PTPN9: variants seen among roughly 807,000 people sequenced by gnomAD.
PTPN9 encodes protein tyrosine phosphatase non-receptor type 9.
PTPN9 carries 26 observed loss-of-function variants against 69.8 expected under a neutral mutation model. The observed-to-expected ratio is 0.37, with a 90% confidence interval of 0.27 to 0.52. The LOEUF (loss-of-function observed/expected upper bound fraction) is 0.52. Ranked by LOEUF, PTPN9 falls within the 20% of genes least tolerant of loss-of-function variation. PTPN9 has a pLI of 0.91. For synonymous variants in PTPN9, 274 were observed against 272.5 expected, an observed-to-expected ratio of 1.01 and a Z score of -0.05; for missense variants, 549 against 740.3, an observed-to-expected ratio of 0.74 and a Z score of 3.00.
intron 7 of PTPN9, among the ~76,000 whole-genome samples, chr15:75,498,425 G>C (rs2074755344): frequency 1.3e-5 from 2 of 151,464 alleles, no homozygotes. Context: ...TTTACTATAG[G>C]GCAATGAGGC....
chr15:75,475,865 G>A (rs1307009874), intron 9 of PTPN9, among the ~76,000 whole-genome samples: 3 of 152,086 alleles, frequency 2.0e-5, no homozygotes, highest in Non-Finnish European at 2.9e-5. Context: ...CAGGTGGGGT[G>A]CAGTGGCGCA....
intron 1 of PTPN9, among the ~76,000 whole-genome samples, chr15:75,577,254 G>A (rs1318853594): frequency 1.3e-5 from 2 of 152,158 alleles, no homozygotes; most frequent in Non-Finnish European, 2.9e-5. Context: ...GAATACTGAT[G>A]GCTTTAAGTC....
At position 75,517,328 on chromosome 15, in the gene PTPN9, A is replaced by G; in HGVS notation, c.459T>C (p.Tyr153=). Residue 153 remains tyrosine (Y), a synonymous_variant, in exon 5 of 13, where the codon TAT becomes TAC. Coordinates refer to ENST00000618819, the MANE Select transcript of PTPN9 (RefSeq NM_002833.4). ...ETQRNGLVFI[Y]DMCGSNYANF... is the part of the protein sequence containing the mutation. ...TGGCATAATTAGAACCACACATGTC[A>G]TAGATAAACACCAGTCCATTCCTCT... 1.2e-6 allele frequency: 2 copies of G among 1,614,012 alleles called. No individual in the cohort carries two copies. Among genetic ancestry groups the G allele is most frequent in the Non-Finnish European group, 1.7e-6 (2 of 1,179,926 alleles).
Position 75,505,912 on chromosome 15 carries a change from G to C in PTPN9, c.731C>G (p.Ala244Gly), listed in dbSNP as rs769188751. ...GGGTAGGAACTGGAAATTCCAAGTGGCGAGATCAATTTTGACGTACCCACC... is the reference window on the plus strand; with the variant it reads ...GGGTAGGAACTGGAAATTCCAAGTGCCGAGATCAATTTTGACGTACCCACC... ...NLGGYVKIDL[A>G]TWNFQFLPQV... Residue 244 changes from alanine (A) to glycine (G), a missense_variant, in exon 7 of 13, where the codon GCC becomes GGC. Physicochemically the swap from Ala to Gly is moderately conservative, Grantham distance 60. This residue lies in a region of PTPN9 where 457 missense variants were observed against 661.9 expected (regional missense o/e 0.69). Transcript: ENST00000618819. 6.2e-7 allele frequency: 1 copy of C among 1,614,022 alleles called. No individual in the cohort carries two copies. Among genetic ancestry groups the C allele is most frequent in the Non-Finnish European group, 8.5e-7 (1 of 1,179,974 alleles).
chr15:75,490,193 C>T lies in PTPN9; in HGVS notation c.1062+15G>A, dbSNP rs368665553. On this transcript the variant is annotated intron_variant, in intron 8 of 12. Coordinates refer to ENST00000618819, the MANE Select transcript of PTPN9 (RefSeq NM_002833.4). ...TCCCCCAGTGCACCTAAAAAGATTA[C>T]ATTTATCTGTCTACCTGAGTATGGC... The T allele has an allele frequency of 8.9e-6, 14 of 1,577,776 alleles. No homozygotes were observed. In the African/African-American group the frequency reaches 1.8e-4, roughly 20 times the overall value.
chr15:75,548,697 A>G (rs1218911463), intron 1 of PTPN9, among the ~76,000 whole-genome samples: 2 of 137,930 alleles, frequency 1.5e-5, no homozygotes, highest in Admixed American at 7.7e-5. Flanking sequence ...TCTGTCACCC[A>G]GGCTGGAGTG....
chr15:75,547,841 T>A (rs1303754077), intron 1 of PTPN9, among the ~76,000 whole-genome samples: 1 of 151,874 alleles, frequency 6.6e-6, no homozygotes, highest in Non-Finnish European at 1.5e-5. Context: ...AATTTTTGTA[T>A]TTTTAGCAGA....
chr15:75,468,705 G>A lies in PTPN9; in HGVS notation c.*64C>T. 2 of 1,455,034 alleles carry A rather than the reference G, an allele frequency of 1.4e-6. No homozygotes were observed. Among genetic ancestry groups the A allele is most frequent in the Non-Finnish European group, 1.9e-6 (2 of 1,051,996 alleles). The allele number at this position is 1,455,034 out of a possible 1,614,324, so 90.1% of individuals were successfully genotyped here. On this transcript the variant is annotated 3_prime_UTR_variant, in exon 13 of 13. Transcript: ENST00000618819. ...TCAGCGTAACTGATGGCAACCTATA[G>A]GCTCAGCGGTGTCCAGGGTAGTTTA...
intron 1 of PTPN9, among the ~76,000 whole-genome samples, chr15:75,530,549 A>AATATG (rs2074952653): frequency 1.8e-5 from 1 of 54,604 alleles, no homozygotes; most frequent in Non-Finnish European, 2.8e-5. Flanking sequence ...ATTATATTAT[A>AATATG]ATATATTATA....
chr15:75,492,377 G>T (rs1200741154), intron 7 of PTPN9, among the ~76,000 whole-genome samples: 1 of 152,166 alleles, frequency 6.6e-6, no homozygotes, highest in Non-Finnish European at 1.5e-5. Context: ...GCCAGACACA[G>T]AAGCTAGGAC....
intron 8 of PTPN9, among the ~76,000 whole-genome samples, chr15:75,480,152 A>G (rs1319784044): frequency 2.0e-5 from 3 of 152,138 alleles, no homozygotes; most frequent in Non-Finnish European, 4.4e-5. Flanking sequence ...CTGACTCAAA[A>G]TGTATCACAG....
chr15:75,575,918 C>CAAA (rs759810846), intron 1 of PTPN9, among the ~76,000 whole-genome samples: 74 of 39,076 alleles, frequency 1.9e-3, no homozygotes, highest in Non-Finnish European at 2.2e-3. Flanking sequence ...GACTCCATCT[C>CAAA]AAAAAAAAAA....
At chr15:75,470,202 G>C (rs1257826291) in intron 11 of PTPN9, among the ~76,000 whole-genome samples, 1 of 152,114 alleles carries the variant, frequency 6.6e-6, no homozygotes, top group Admixed American at 6.5e-5. Flanking sequence ...TTCCTATACT[G>C]TAAGATCCAG....
chr15:75,474,557 A>G (rs1442697145), intron 9 of PTPN9, among the ~76,000 whole-genome samples: 2 of 152,238 alleles, frequency 1.3e-5, no homozygotes, highest in African/African-American at 4.8e-5. Flanking sequence ...CAACTTTCTT[A>G]TCTCTGTTAA....
intron 3 of PTPN9, among the ~76,000 whole-genome samples, chr15:75,523,937 T>C (rs1455392121): frequency 1.3e-5 from 2 of 151,936 alleles, no homozygotes; most frequent in South Asian, 4.2e-4. Context: ...CAGGATAAGG[T>C]ATATAGGAAC....
At chr15:75,546,415 G>A (rs896485137) in intron 1 of PTPN9, among the ~76,000 whole-genome samples, 10 of 152,076 alleles carry the variant, frequency 6.6e-5, no homozygotes, top group Admixed American at 3.9e-4. Flanking sequence ...AGGCCGAGGC[G>A]GGCAGATCAC....
chr15:75,488,942 G>A (rs921987522), intron 8 of PTPN9, among the ~76,000 whole-genome samples: 3 of 152,234 alleles, frequency 2.0e-5, no homozygotes, highest in South Asian at 2.1e-4. Flanking sequence ...TTGGGAGGCC[G>A]AGACGGGCGG....
At chr15:75,576,684 T>C (rs1407894657) in intron 1 of PTPN9, among the ~76,000 whole-genome samples, 2 of 151,926 alleles carry the variant, frequency 1.3e-5, no homozygotes, top group Admixed American at 1.3e-4. Flanking sequence ...GGCAGGCGCC[T>C]GTAATCCCAG....
intron 8 of PTPN9, among the ~76,000 whole-genome samples, chr15:75,480,482 G>C (rs1249603935): frequency 6.6e-6 from 1 of 151,556 alleles, no homozygotes; most frequent in African/African-American, 2.4e-5. Context: ...GCGCAGAGGA[G>C]GTCGCGGCGC....
Sources: gnomAD v4.1 joint callset for allele counts (sites outside exome capture counted in the v4.1 genomes callset) on GRCh38, gnomAD v4.1.1 for gene constraint, gnomAD v4.1.1 regional missense constraint, MANE v1.5 for transcripts, NCBI Gene and HGNC (gene_info 2026-07-23, HGNC 2026-07-21) for gene names.